PALLD: variants seen among roughly 807,000 people sequenced by gnomAD.
PALLD encodes palladin.
PALLD carries 61 observed loss-of-function variants against 123.5 expected under a neutral mutation model. That is an observed-to-expected ratio of 0.49 (90% CI 0.40 to 0.61). The LOEUF (loss-of-function observed/expected upper bound fraction) is 0.61, where lower values mean the gene tolerates loss of function less well. Ranked by LOEUF, PALLD falls within the 20% of genes least tolerant of loss-of-function variation. The probability of loss-of-function intolerance (pLI) is 0.00; values close to 1 mark genes in which losing one functional copy is unlikely to be tolerated. For synonymous variants in PALLD, 465 were observed against 496.4 expected (o/e 0.94, Z 0.84); for missense variants, 1,273 against 1,377.0 (o/e 0.92, Z 1.20).
At chr4:168,707,078 T>C (rs912268587) in intron 8 of PALLD, among the ~76,000 whole-genome samples, 3 of 152,238 alleles carry the variant, frequency 2.0e-5, no homozygotes, top group Non-Finnish European at 4.4e-5. Context: ...TTTTTAAACA[T>C]ATCACTTTTA....
chr4:168,527,341 T>A (rs1315097651), intron 2 of PALLD, among the ~76,000 whole-genome samples: 3 of 145,986 alleles, frequency 2.1e-5, no homozygotes, highest in African/African-American at 7.7e-5. Flanking sequence ...AGAATCGCTT[T>A]AACCCGGGAG....
At chr4:168,841,829 GTTTCCTGTCACCA>G (rs1746079323) in intron 10 of PALLD, among the ~76,000 whole-genome samples, 2 of 152,144 alleles carry the variant, frequency 1.3e-5, no homozygotes, top group South Asian at 4.1e-4. Flanking sequence ...AGCTCCCATT[GTTTCCTGTCACCA>G]TAGCAGTCTA....
At chr4:168,581,108 T>C (rs1017239691) in intron 2 of PALLD, among the ~76,000 whole-genome samples, 1 of 151,828 alleles carries the variant, frequency 6.6e-6, no homozygotes, top group Admixed American at 6.6e-5. Context: ...AACCTGAACA[T>C]GTACCCCTGC....
intron 2 of PALLD, among the ~76,000 whole-genome samples, chr4:168,568,253 A>G (rs1367740896): frequency 6.6e-6 from 1 of 152,106 alleles, no homozygotes; most frequent in African/African-American, 2.4e-5. Context: ...TTTCCATCAT[A>G]ATTGATCATT....
At chr4:168,775,974 AC>A (rs2150524784) in intron 10 of PALLD, among the ~76,000 whole-genome samples, 1 of 152,242 alleles carries the variant, frequency 6.6e-6, no homozygotes, top group Non-Finnish European at 1.5e-5. Context: ...TTAGCCTCTC[AC>A]CTTTGTTCAA....
intron 10 of PALLD, among the ~76,000 whole-genome samples, chr4:168,831,376 G>T (rs191145650): frequency 1.3e-5 from 2 of 152,308 alleles, no homozygotes; most frequent in African/African-American, 4.8e-5. Flanking sequence ...TAGGGACCGG[G>T]TTCCTCAGAT....
intron 2 of PALLD, among the ~76,000 whole-genome samples, chr4:168,635,450 C>G (rs1776247020): frequency 6.6e-6 from 1 of 152,216 alleles, no homozygotes; most frequent in Non-Finnish European, 1.5e-5. Context: ...CACCTATTAC[C>G]TCTGAACAGG....
intron 2 of PALLD, among the ~76,000 whole-genome samples, chr4:168,532,438 C>T (rs577125888): frequency 2.0e-5 from 3 of 152,164 alleles, no homozygotes; most frequent in Admixed American, 6.5e-5. Flanking sequence ...TCTATCTCTA[C>T]CAAAATGAAT....
At chr4:168,634,818 T>G (rs1776181604) in intron 2 of PALLD, among the ~76,000 whole-genome samples, 1 of 152,258 alleles carries the variant, frequency 6.6e-6, no homozygotes, top group Non-Finnish European at 1.5e-5. Flanking sequence ...GAACTTTTTT[T>G]TTAAACATGG....
intron 2 of PALLD, among the ~76,000 whole-genome samples, chr4:168,543,850 G>GA (rs1225426997): frequency 1.7e-4 from 26 of 151,840 alleles, no homozygotes; most frequent in Admixed American, 1.2e-3. Context: ...TATCTTTGGG[G>GA]AAAAAAAACC....
At chr4:168,879,214 G>A (rs1752280593) in intron 10 of PALLD, among the ~76,000 whole-genome samples, 1 of 152,148 alleles carries the variant, frequency 6.6e-6, no homozygotes, top group Admixed American at 6.5e-5. Flanking sequence ...TGATGATGTG[G>A]CAGCCCTATG....
At chr4:168,632,197 TC>T (rs1359837749) in intron 2 of PALLD, among the ~76,000 whole-genome samples, 1 of 151,748 alleles carries the variant, frequency 6.6e-6, no homozygotes, top group Non-Finnish European at 1.5e-5. Flanking sequence ...CTTTTTTTTT[TC>T]CATTAAAAAA....
chr4:168,916,966 G>A (rs760275174), intron 17 of PALLD, among the ~76,000 whole-genome samples: 3 of 150,832 alleles, frequency 2.0e-5, no homozygotes, highest in Non-Finnish European at 2.9e-5. Context: ...ACAGTGCCCC[G>A]CCCCCATTTT....
intron 2 of PALLD, among the ~76,000 whole-genome samples, chr4:168,551,935 C>T (rs1289961239): frequency 6.6e-6 from 1 of 152,142 alleles, no homozygotes; most frequent in African/African-American, 2.4e-5. Flanking sequence ...CAAGTCATGA[C>T]ATACCAAGTC....
At chr4:168,658,973 A>G (rs544708459) in intron 2 of PALLD, among the ~76,000 whole-genome samples, 5 of 152,274 alleles carry the variant, frequency 3.3e-5, no homozygotes, top group African/African-American at 1.2e-4. Flanking sequence ...AAATTTAGAC[A>G]ACGATTAATT....
intron 10 of PALLD, among the ~76,000 whole-genome samples, chr4:168,880,377 T>A (rs1485796721): frequency 6.6e-6 from 1 of 152,214 alleles, no homozygotes; most frequent in Non-Finnish European, 1.5e-5. Context: ...TGAAGTGCTG[T>A]GACATCAAAG....
rs1448789709 is a variant in PALLD, at chr4:168,855,807, C to T, written c.1965-35115C>T. On this transcript the variant is annotated intron_variant, in intron 10 of 21. Transcript: ENST00000505667. ...TGCTCAAAATACTTCACATGTACTA[C>T]CACATTTCATCTTCACAGTCTAGGA... 2.6e-5 allele frequency among the ~76,000 whole-genome samples: 4 copies of T among 152,226 alleles called. No homozygotes were observed. In the East Asian group the frequency reaches 7.7e-4, roughly 29 times the overall value.
intron 1 of PALLD, among the ~76,000 whole-genome samples, chr4:168,503,476 G>A (rs894149136): frequency 5.9e-5 from 9 of 151,876 alleles, no homozygotes; most frequent in Admixed American, 1.3e-4. Flanking sequence ...GGGAAACCCT[G>A]TCTCTACTAA....
chr4:168,511,936 T>G lies in PALLD; in HGVS notation c.432T>G (p.Gly144=). The change falls in exon 2 of 22, where the codon GGT becomes GGG. Residue 144 remains glycine (G), a synonymous_variant. Transcript: ENST00000505667. ...IRSLRKAEKR[G]AKTPSTNVKP... Reference sequence around the variant, plus strand: ...GCCTCCGAAAGGCTGAAAAGCGTGGTGCAAAAACTCCCAGCACAAACGTAA... The same window carrying G: ...GCCTCCGAAAGGCTGAAAAGCGTGGGGCAAAAACTCCCAGCACAAACGTAA... The G allele has an allele frequency of 1.2e-6, 2 of 1,614,114 alleles. No individual in the cohort carries two copies. The highest frequency in any genetic ancestry group is 1.7e-6 in the Non-Finnish European group (2 of 1,180,012).
Sources: allele counts gnomAD v4.1 joint callset (sites outside exome capture counted in the v4.1 genomes callset), GRCh38; gene constraint gnomAD v4.1.1; transcripts MANE v1.5; gene names NCBI Gene and HGNC (gene_info 2026-07-23, HGNC 2026-07-21).